The following KIAA1549L variants were observed in gnomAD, a reference collection of about 807,000 sequenced individuals.
KIAA1549L encodes the protein KIAA1549 like.
Under a neutral mutation model 160.7 loss-of-function variants are expected in KIAA1549L, and 88 were observed. That is an observed-to-expected ratio of 0.55 (90% confidence interval 0.46 to 0.65). The LOEUF (loss-of-function observed/expected upper bound fraction) is 0.65, where lower values mean the gene tolerates loss of function less well. Among genes scored for constraint, KIAA1549L ranks in the 30% least tolerant of loss-of-function variants. The pLI, the probability that KIAA1549L is intolerant of heterozygous loss-of-function variation, is 0.00. For missense variants in KIAA1549L, 2,258 were observed against 2,437.5 expected, an observed-to-expected ratio of 0.93 and a Z score of 1.55; for synonymous variants, 950 against 976.7, an observed-to-expected ratio of 0.97 and a Z score of 0.51.
At chr11:33,644,143 T>C (rs574952509) in intron 16 of KIAA1549L, among the ~76,000 whole-genome samples, 1 of 152,346 alleles carries the variant, frequency 6.6e-6, no homozygotes, top group African/African-American at 2.4e-5. Context: ...TTACTTACTG[T>C]AGATGTTTGT....
chr11:33,563,472 C>T (rs1205136326), intron 8 of KIAA1549L, among the ~76,000 whole-genome samples: 1 of 152,062 alleles, frequency 6.6e-6, no homozygotes, highest in Non-Finnish European at 1.5e-5. Context: ...CCAAACCTCC[C>T]CTCTGTCCTC....
intron 10 of KIAA1549L, among the ~76,000 whole-genome samples, chr11:33,576,796 G>A (rs1031084072): frequency 2.6e-5 from 4 of 152,200 alleles, no homozygotes; most frequent in African/African-American, 9.6e-5. Context: ...GATGCAGAAG[G>A]TGCAGGTCAA....
chr11:33,578,953 C>G (rs927725132), intron 10 of KIAA1549L, among the ~76,000 whole-genome samples: 3 of 152,162 alleles, frequency 2.0e-5, no homozygotes, highest in Admixed American at 1.3e-4. Context: ...CTTCCTGGTT[C>G]TATTCTTGTG....
At chr11:33,512,212 A>G in intron 1 of KIAA1549L, among the ~76,000 whole-genome samples, 1 of 152,234 alleles carries the variant, frequency 6.6e-6, no homozygotes, top group East Asian at 1.9e-4. Flanking sequence ...AAAATAGACA[A>G]GGTACAAAAC....
At chr11:33,660,482 G>A (rs1182651401) in intron 19 of KIAA1549L, among the ~76,000 whole-genome samples, 2 of 152,026 alleles carry the variant, frequency 1.3e-5, no homozygotes, top group South Asian at 2.1e-4. Context: ...GGAGAGTGGC[G>A]TGAACCCAGG....
chr11:33,417,027 A>G (rs1331358463), intron 1 of KIAA1549L, among the ~76,000 whole-genome samples: 1 of 152,222 alleles, frequency 6.6e-6, no homozygotes, highest in East Asian at 1.9e-4. Context: ...TCTGCATTTG[A>G]TGGAAATGTT....
intron 1 of KIAA1549L, among the ~76,000 whole-genome samples, chr11:33,473,433 A>G (rs1344800678): frequency 6.6e-6 from 1 of 152,204 alleles, no homozygotes; most frequent in Admixed American, 6.5e-5. Context: ...TAGAGGTTGC[A>G]TAGGAGTTGT....
chr11:33,423,345 A>AT (rs1240180160), intron 1 of KIAA1549L, among the ~76,000 whole-genome samples: 5 of 152,224 alleles, frequency 3.3e-5, no homozygotes, highest in Non-Finnish European at 7.3e-5. Flanking sequence ...TGGTGAAATC[A>AT]TTTATATTTT....
intron 1 of KIAA1549L, among the ~76,000 whole-genome samples, chr11:33,395,720 ACCT>A (rs1486112423): frequency 6.6e-6 from 1 of 152,076 alleles, no homozygotes; most frequent in Non-Finnish European, 1.5e-5. Flanking sequence ...AATGGTTGTT[ACCT>A]CAAGATAAGA....
chr11:33,661,874 T>A (rs1195852735), intron 20 of KIAA1549L, among the ~76,000 whole-genome samples: 1 of 100,652 alleles, frequency 9.9e-6, no homozygotes, highest in Non-Finnish European at 1.8e-5. Flanking sequence ...AGCAAGACTA[T>A]GTCTCAAAAA....
At chr11:33,437,342 G>T (rs536142304) in intron 1 of KIAA1549L, among the ~76,000 whole-genome samples, 3 of 152,262 alleles carry the variant, frequency 2.0e-5, no homozygotes, top group East Asian at 3.9e-4. Flanking sequence ...AGAAAAAAAT[G>T]AGTTATGAGA....
chr11:33,457,082 G>A (rs746459190), intron 1 of KIAA1549L, among the ~76,000 whole-genome samples: 3 of 152,186 alleles, frequency 2.0e-5, no homozygotes, highest in Non-Finnish European at 4.4e-5. Flanking sequence ...CACAGTTACC[G>A]GCTGGGTATG....
chr11:33,530,431 AAAAAAATAT>A (rs1565171108), intron 1 of KIAA1549L, among the ~76,000 whole-genome samples: 3 of 12,878 alleles, frequency 2.3e-4, no homozygotes, highest in African/African-American at 5.0e-4. Context: ...AAAAAAAAAA[AAAAAAATAT>A]ATATATATAT....
chr11:33,439,412 T>C (rs1397192108), intron 1 of KIAA1549L, among the ~76,000 whole-genome samples: 5 of 151,702 alleles, frequency 3.3e-5, no homozygotes, highest in African/African-American at 1.2e-4. Flanking sequence ...TGTTTCTGTT[T>C]TTGTTTTTGA....
intron 1 of KIAA1549L, among the ~76,000 whole-genome samples, chr11:33,429,472 A>G (rs1197126840): frequency 6.6e-6 from 1 of 152,184 alleles, no homozygotes; most frequent in Non-Finnish European, 1.5e-5. Context: ...CGAGGTCACC[A>G]GTGACCTCCC....
chr11:33,479,992 T>G (rs1852374700), intron 1 of KIAA1549L, among the ~76,000 whole-genome samples: 1 of 152,134 alleles, frequency 6.6e-6, no homozygotes, highest in Admixed American at 6.5e-5. Context: ...TCAAGTTAAA[T>G]TTGGCTTCAA....
At chr11:33,597,472 T>C (rs1165202440) in intron 12 of KIAA1549L, among the ~76,000 whole-genome samples, 2 of 152,176 alleles carry the variant, frequency 1.3e-5, no homozygotes, top group Non-Finnish European at 2.9e-5. Flanking sequence ...ACTGATCAAG[T>C]GCATTTATTC....
intron 11 of KIAA1549L, among the ~76,000 whole-genome samples, chr11:33,586,505 G>A (rs1270879584): frequency 6.6e-6 from 1 of 152,088 alleles, no homozygotes; most frequent in Non-Finnish European, 1.5e-5. Flanking sequence ...CCTTTACTCT[G>A]TCATTGGATG....
intron 11 of KIAA1549L, 103 bp from the exon 12 acceptor site, chr11:33,591,134 G>T: frequency 1.3e-6 from 1 of 761,872 alleles, no homozygotes. Context: ...TAATTAGAAA[G>T]CTAAGTTTGG....
Sources: gnomAD v4.1 joint callset for allele counts (sites outside exome capture counted in the v4.1 genomes callset) on GRCh38, gnomAD v4.1.1 for gene constraint, MANE v1.5 for transcripts, NCBI Gene and HGNC (gene_info 2026-07-23, HGNC 2026-07-21) for gene names.